The following AGBL1 variants were observed in gnomAD, a reference collection of about 807,000 sequenced individuals.
The protein encoded by AGBL1 is AGBL carboxypeptidase 1, also known as cytosolic carboxypeptidase 4.
Under a neutral mutation model 118.9 loss-of-function variants are expected in AGBL1, and 130 were observed. That is an observed-to-expected ratio of 1.09 (90% confidence interval 0.95 to 1.26). AGBL1 has a LOEUF of 1.26. Ranked by LOEUF, AGBL1 falls within the 50% of genes most tolerant of loss-of-function variation. The probability of loss-of-function intolerance (pLI) is 0.00; values close to 1 mark genes in which losing one functional copy is unlikely to be tolerated. For missense variants in AGBL1, 1,584 were observed against 1,298.1 expected, an observed-to-expected ratio of 1.22 and a Z score of -3.38; for synonymous variants, 555 against 478.9, an observed-to-expected ratio of 1.16 and a Z score of -2.08.
At chr15:86,919,756 C>T (rs145094368), downstream of AGBL1, among the ~76,000 whole-genome samples, 541 of 152,312 alleles carry the variant, frequency 3.6e-3, 4 homozygotes, top group African/African-American at 0.013. Context: ...AGCTCTCTCA[C>T]GATGTTTTAT....
At chr15:86,953,076 T>C (rs1368920789) in intron 23 of AGBL1, among the ~76,000 whole-genome samples, 1 of 152,102 alleles carries the variant, frequency 6.6e-6, no homozygotes, top group African/African-American at 2.4e-5. Flanking sequence ...TTACTATAGT[T>C]TTATCGTTTG....
chr15:86,339,609 C>G (rs766285695), intron 17 of AGBL1, among the ~76,000 whole-genome samples: 1 of 152,174 alleles, frequency 6.6e-6, no homozygotes, highest in Non-Finnish European at 1.5e-5. Context: ...TTCTTTCCCT[C>G]CATTCTGCTG....
At chr15:86,222,389 T>C (rs749730711) in intron 5 of AGBL1, among the ~76,000 whole-genome samples, 1 of 152,120 alleles carries the variant, frequency 6.6e-6, no homozygotes, top group African/African-American at 2.4e-5. Flanking sequence ...TATTCCCCTA[T>C]CTACCTAGCC....
At chr15:86,640,089 A>G (rs2085166588) in intron 21 of AGBL1, among the ~76,000 whole-genome samples, 1 of 152,182 alleles carries the variant, frequency 6.6e-6, no homozygotes. Flanking sequence ...CATAGTTATT[A>G]TTGTTACTAT....
intron 21 of AGBL1, among the ~76,000 whole-genome samples, chr15:86,640,581 AAAT>A (rs1360351472): frequency 1.3e-5 from 2 of 152,124 alleles, no homozygotes; most frequent in Non-Finnish European, 2.9e-5. Context: ...TTTGTTGGTA[AAAT>A]AATATTCCAC....
At chr15:86,214,923 T>C (rs914348546) in intron 5 of AGBL1, among the ~76,000 whole-genome samples, 42 of 152,150 alleles carry the variant, frequency 2.8e-4, no homozygotes, top group African/African-American at 1.0e-3. Context: ...TTAAAAAAAT[T>C]TCCCGTGATT....
intron 18 of AGBL1, among the ~76,000 whole-genome samples, chr15:86,468,205 A>G (rs191236628): frequency 2.2e-4 from 34 of 152,284 alleles, no homozygotes; most frequent in Non-Finnish European, 3.8e-4. Flanking sequence ...CCTCTCCGCA[A>G]GAAGAAAGCA....
rs1359582009 is a variant in AGBL1 at position 86,913,187 on chromosome 15, CCACACACACACATACACACACA to C, written c.*5906_*5927del. ...GCTGAAGCTGAGTTTGAGTTCCCCA[CCACACACACACATACACACACA>C]CACACACACACACACACACGGCACA... On this transcript the variant is annotated 3_prime_UTR_variant, in exon 23 of 23. Coordinates refer to ENST00000614907, the MANE Select transcript of AGBL1 (RefSeq NM_001386094.1). 1 of 123,862 alleles carries C rather than the reference CCACACACACACATACACACACA, an allele frequency of 8.1e-6. No individual in the cohort carries two copies. Among genetic ancestry groups the C allele is most frequent in the Non-Finnish European group, 1.7e-5 (1 of 60,040 alleles). The allele number at this position is 123,862 out of a possible 1,614,324, so 7.7% of individuals were successfully genotyped here. A position where few individuals can be genotyped will look rare whatever the true frequency, so the allele number is the denominator to read the frequency against.
chr15:86,628,727 C>T lies in AGBL1; in HGVS notation c.2995-45546C>T, dbSNP rs528627767. Among the ~76,000 whole-genome samples the T allele has an allele frequency of 6.8e-4, 104 of 151,964 alleles. 1 individual carries two copies. Among genetic ancestry groups the T allele is most frequent in the African/African-American group, 2.3e-3 (96 of 41,448 alleles). On this transcript the variant is annotated intron_variant, in intron 21 of 22. Transcript: ENST00000614907. ...AGGAGAATGGCATGAACCCGGGAGGCGGAGCTTGCAGTGAGCAGAGATTGC... is the reference window on the plus strand; with the variant it reads ...AGGAGAATGGCATGAACCCGGGAGGTGGAGCTTGCAGTGAGCAGAGATTGC...
At chr15:86,718,935 C>T (rs528120027) in intron 22 of AGBL1, among the ~76,000 whole-genome samples, 1 of 152,024 alleles carries the variant, frequency 6.6e-6, no homozygotes, top group African/African-American at 2.4e-5. Flanking sequence ...GATTGGAATC[C>T]CTGCGTCTGG....
intron 22 of AGBL1, among the ~76,000 whole-genome samples, chr15:86,872,580 C>T (rs1404951940): frequency 6.6e-6 from 1 of 151,962 alleles, no homozygotes; most frequent in African/African-American, 2.4e-5. Flanking sequence ...GTGGTGAAAC[C>T]CTGTCTCTAC....
rs573428746 is a variant in AGBL1, at chr15:86,554,818, T to C, written c.2994+281T>C. ...CTCTCTTTGACATGCATCCCCAACTTTTACAGAACCTCTGCTTGCCTGGCT... is the reference window on the plus strand; with the variant it reads ...CTCTCTTTGACATGCATCCCCAACTCTTACAGAACCTCTGCTTGCCTGGCT... On this transcript the variant is annotated intron_variant, in intron 21 of 22. Transcript: ENST00000614907. 9.2e-5 allele frequency among the ~76,000 whole-genome samples: 14 copies of C among 152,258 alleles called. No individual in the cohort carries two copies. The East Asian group carries it at 2.5e-3, about 27-fold the overall frequency.
chr15:86,419,241 C>A (rs1395803857), intron 18 of AGBL1, among the ~76,000 whole-genome samples: 1 of 151,896 alleles, frequency 6.6e-6, no homozygotes, highest in Non-Finnish European at 1.5e-5. Flanking sequence ...GTGATTTCTG[C>A]ATTTCCAACC....
intron 17 of AGBL1, among the ~76,000 whole-genome samples, chr15:86,381,826 G>C (rs569635292): frequency 6.6e-6 from 1 of 152,290 alleles, no homozygotes; most frequent in East Asian, 1.9e-4. Context: ...TGGGGGTGCA[G>C]GTGGGGGTCT....
intron 18 of AGBL1, among the ~76,000 whole-genome samples, chr15:86,431,337 A>T (rs1747934244): frequency 6.6e-6 from 1 of 152,252 alleles, no homozygotes; most frequent in Non-Finnish European, 1.5e-5. Context: ...TCCCTTCATT[A>T]TGAAGTATTT....
intron 21 of AGBL1, among the ~76,000 whole-genome samples, chr15:86,619,280 C>A (rs2142406679): frequency 6.6e-6 from 1 of 151,964 alleles, no homozygotes; most frequent in East Asian, 1.9e-4. Flanking sequence ...TTACCAGTGA[C>A]CCATCTACAC....
At chr15:86,409,305 C>T (rs931207668) in intron 18 of AGBL1, among the ~76,000 whole-genome samples, 2 of 152,158 alleles carry the variant, frequency 1.3e-5, no homozygotes, top group African/African-American at 4.8e-5. Flanking sequence ...CTCAATCTTT[C>T]TGATGAACTT....
chr15:86,566,473 C>G (rs577660811), intron 21 of AGBL1, among the ~76,000 whole-genome samples: 2 of 152,080 alleles, frequency 1.3e-5, no homozygotes, highest in Admixed American at 6.5e-5. Flanking sequence ...AGTGGCAGCT[C>G]TCCATCAGCA....
intron 21 of AGBL1, among the ~76,000 whole-genome samples, chr15:86,623,007 C>T (rs557028239): frequency 7.8e-4 from 119 of 152,208 alleles, no homozygotes; most frequent in Non-Finnish European, 1.5e-3. Context: ...CAATAGGGTT[C>T]GCACGCCTAT....
Sources: allele counts gnomAD v4.1 joint callset (sites outside exome capture counted in the v4.1 genomes callset), GRCh38; gene constraint gnomAD v4.1.1; transcripts MANE v1.5; gene names NCBI Gene and HGNC (gene_info 2026-07-23, HGNC 2026-07-21).